The following TONSL variants were observed in gnomAD, a reference collection of about 807,000 sequenced individuals.
TONSL encodes tonsoku like, DNA repair protein.
In TONSL, 112 loss-of-function variants were observed where a neutral mutation model predicts 147.1. That is an observed-to-expected ratio of 0.76 (90% CI 0.65 to 0.89). The LOEUF (loss-of-function observed/expected upper bound fraction) is 0.89, where lower values mean the gene tolerates loss of function less well. Ranked by LOEUF, TONSL falls within the 40% of genes least tolerant of loss-of-function variation. The probability of loss-of-function intolerance (pLI) is 0.00; values close to 1 mark genes in which losing one functional copy is unlikely to be tolerated. For synonymous variants in TONSL, 868 were observed against 801.5 expected (o/e 1.08, Z -1.40); for missense variants, 1,883 against 1,864.6 (o/e 1.01, Z -0.18).
In TONSL at chr8:144,430,475, C is replaced by A. The variant is rs1564725446; in HGVS notation, c.3872G>T (p.Cys1291Phe). 1 of 1,613,484 alleles carries A rather than the reference C, an allele frequency of 6.2e-7. No individual in the cohort carries two copies. Among genetic ancestry groups the A allele is most frequent in the Non-Finnish European group, 8.5e-7 (1 of 1,179,716 alleles). The change falls in exon 25 of 26, where the codon TGT (cysteine) becomes TTT (phenylalanine). Residue 1291 changes from cysteine (C) to phenylalanine (F), a missense_variant. Transcript: ENST00000409379. ...LDLSANPEIS[C>F]ASLEELLSTL... ...GGACAGGAGCTCTTCCAAGCTGGCA[C>A]AGCTGATCTCAGGGTTGGCAGACAG... is the stretch of plus-strand genomic sequence containing the variant.
intron 2 of TONSL, 45 bp downstream of exon 2, chr8:144,444,135 C>G: frequency 7.5e-7 from 1 of 1,331,282 alleles, no homozygotes; most frequent in Non-Finnish European, 9.6e-7. Flanking sequence ...CCGGCCCGGG[C>G]CCGGGCCCCG....
chr8:144,433,078 CGTT>C (rs1282487157), intron 22 of TONSL: 2 of 157,072 alleles, frequency 1.3e-5, no homozygotes, highest in Non-Finnish European at 2.8e-5. Flanking sequence ...GGCCCCTAGA[CGTT>C]GTTTGTTTCG....
Position 144,429,241 on chromosome 8 carries a change from C to T in TONSL, c.4039G>A (p.Glu1347Lys). ...AGCTGGCGCAGGGCGTCCCTGTCCTCAGCGCAGAGGCGTCTGCTGCACAGC... is the reference window on the plus strand; with the variant it reads ...AGCTGGCGCAGGGCGTCCCTGTCCTTAGCGCAGAGGCGTCTGCTGCACAGC... ...LQLCSRRLCAEDRDALRQLQP... is the reference protein window; with the variant it reads ...LQLCSRRLCAKDRDALRQLQP... Residue 1347 changes from glutamate (E) to lysine (K), a missense_variant, in exon 26 of 26, where the codon GAG becomes AAG. Physicochemically the swap from Glu to Lys is moderately conservative, Grantham distance 56. Transcript: ENST00000409379. 1 of 1,535,090 alleles carries T rather than the reference C, an allele frequency of 6.5e-7. No individual in the cohort carries two copies. The highest frequency in any genetic ancestry group is 8.7e-7 in the Non-Finnish European group (1 of 1,143,728).
At chr8:144,432,632 A>T (rs1251355762) in intron 22 of TONSL, 172 bp from the exon 23 acceptor site, 9 of 640,818 alleles carry the variant, frequency 1.4e-5, no homozygotes, top group Non-Finnish European at 2.2e-5. Flanking sequence ...CCCAGCTGGG[A>T]GGGCGGGGCC....
chr8:144,431,561 G>A (rs528913979), intron 23 of TONSL, among the ~76,000 whole-genome samples: 44 of 151,818 alleles, frequency 2.9e-4, no homozygotes, highest in African/African-American at 8.7e-4. Flanking sequence ...GTCGCCCAGG[G>A]TGGAGTGCGG....
At position 144,435,822 on chromosome 8, in the gene TONSL, T is replaced by C. The variant is rs749330860; in HGVS notation, c.2611A>G (p.Arg871Gly). 5 of 1,612,424 alleles carry C rather than the reference T, an allele frequency of 3.1e-6. No individual in the cohort carries two copies. The highest frequency in any genetic ancestry group is 1.6e-4 in the Middle Eastern group (1 of 6,084). The change falls in exon 17 of 26, where the codon AGG (arginine) becomes GGG (glycine). Residue 871 changes from arginine (R) to glycine (G), a missense_variant. Arg to Gly is a moderately radical substitution (Grantham distance 125). Coordinates refer to ENST00000409379, the MANE Select transcript of TONSL (RefSeq NM_013432.5). ...STSGSDSEES[R>G]PRARAKQVRL... ...ACCTGCTTGGCTCGGGCACGGGGCCTGCTCTCCTCACTGTCCGACCCAGAG... is the reference window on the plus strand; with the variant it reads ...ACCTGCTTGGCTCGGGCACGGGGCCCGCTCTCCTCACTGTCCGACCCAGAG...
At chr8:144,432,545 C>A in intron 22 of TONSL, 85 bp from the exon 23 acceptor site, 1 of 1,371,440 alleles carries the variant, frequency 7.3e-7, no homozygotes, top group Non-Finnish European at 9.6e-7. Context: ...CCTCAGGACC[C>A]CTTTGGGGAA....
intron 25 of TONSL, among the ~76,000 whole-genome samples, chr8:144,429,898 G>A (rs888228444): frequency 6.6e-6 from 1 of 152,170 alleles, no homozygotes; most frequent in East Asian, 1.9e-4. Context: ...CCCGGCCCCA[G>A]TGGGGCAAGC....
In TONSL at chr8:144,432,319, T is replaced by G. The variant is rs1483170008; in HGVS notation, c.3701A>C (p.Asp1234Ala). 5 of 1,613,520 alleles carry G rather than the reference T, an allele frequency of 3.1e-6. No homozygotes were observed. Among genetic ancestry groups the G allele is most frequent in the Non-Finnish European group, 4.2e-6 (5 of 1,179,902 alleles). Reference sequence around the variant, plus strand: ...GTATCGGAATACAGGCTCCATGAGGTCCGAATCACCCTTGCCGGCTGCCAC... The same window carrying G: ...GTATCGGAATACAGGCTCCATGAGGGCCGAATCACCCTTGCCGGCTGCCAC... ...SSVAAGKGDS[D>A]LMEPVFRYLA... Residue 1234 changes from aspartate to alanine, a missense_variant, in exon 23 of 26, where the codon GAC (aspartate) becomes GCC (alanine). Physicochemically the swap from Asp to Ala is moderately radical, Grantham distance 126. Transcript: ENST00000409379.
chr8:144,430,261 C>T, intron 25 of TONSL, 143 bp downstream of exon 25: 2 of 1,015,382 alleles, frequency 2.0e-6, no homozygotes, highest in South Asian at 3.7e-5. Context: ...GTCACTCTGC[C>T]CCCTGCTGCC....
Position 144,442,038 on chromosome 8 carries a change from A to G in TONSL, c.864T>C (p.His288=), listed in dbSNP as rs769278249. Residue 288 remains histidine, a splice_region_variant and synonymous_variant, in exon 7 of 26, where the codon CAT becomes CAC. Transcript: ENST00000409379. ...CCCCATTCGCACCCCCAGGCTCACC[A>G]TGCTGGAGGTTCTGACAGATGGCTG... ...QRAAICQNLQ[H]VLAVVRLQQQ... The G allele has an allele frequency of 1.2e-6, 2 of 1,612,466 alleles. No homozygotes were observed. Among genetic ancestry groups the G allele is most frequent in the Non-Finnish European group, 1.7e-6 (2 of 1,179,804 alleles).
At chr8:144,438,324 A>G in intron 13 of TONSL, 147 bp downstream of exon 13, 2 of 739,096 alleles carry the variant, frequency 2.7e-6, no homozygotes, top group Admixed American at 2.3e-5. Flanking sequence ...TCCTGCCTCT[A>G]GGACCACAGG....
rs372340880 is a variant in TONSL, at chr8:144,440,986, C to T, written c.991G>A (p.Ala331Thr). 48 of 1,613,072 alleles carry T rather than the reference C, an allele frequency of 3.0e-5. No homozygotes were observed. Among genetic ancestry groups the T allele is most frequent in the African/African-American group, 6.7e-5 (5 of 74,932 alleles). The change falls in exon 8 of 26, where the codon GCT becomes ACT. Residue 331 changes from alanine (A) to threonine (T), a missense_variant. By Grantham distance (58) the Ala-to-Thr change is moderately conservative (BLOSUM62 0). Transcript: ENST00000409379. ...CACACCTGCTTCTGGTAAGCCTCAG[C>T]TGCCCTGGGAAAGTCTCCTGCCTTG... ...FSKAGDFPRA[A>T]EAYQKQLRFA...
Position 144,434,034 on chromosome 8 carries a change from C to T in TONSL, c.3331G>A (p.Gly1111Ser). The T allele has an allele frequency of 6.2e-7, 1 of 1,609,358 alleles. No homozygotes were observed. Among genetic ancestry groups the T allele is most frequent in the Non-Finnish European group, 8.5e-7 (1 of 1,177,590 alleles). Residue 1111 changes from glycine (G) to serine (S), a missense_variant, in exon 21 of 26, where the codon GGT becomes AGT. Coordinates refer to ENST00000409379, the MANE Select transcript of TONSL (RefSeq NM_013432.5). ...GCAAGCTGGCGCAGGCCTTCGGGACCCAGGTGATTGGAGGAGAGGTCAAGG... is the reference window on the plus strand; with the variant it reads ...GCAAGCTGGCGCAGGCCTTCGGGACTCAGGTGATTGGAGGAGAGGTCAAGG... Reference protein sequence around the residue: ...ALLDLSSNHLGPEGLRQLAMG... With the variant: ...ALLDLSSNHLSPEGLRQLAMG...
chr8:144,428,836 C>A lies in TONSL; in HGVS notation c.*307G>T, dbSNP rs1215656468. 4 of 254,528 alleles carry A rather than the reference C, an allele frequency of 1.6e-5. No homozygotes were observed. Among genetic ancestry groups the A allele is most frequent in the Non-Finnish European group, 3.0e-5 (4 of 133,824 alleles). 15.8% of individuals were successfully genotyped at this position (254,528 alleles called of 1,614,324 possible). A position where few individuals can be genotyped will look rare whatever the true frequency, so the allele number is the denominator to read the frequency against. On this transcript the variant is annotated 3_prime_UTR_variant, in exon 26 of 26. Transcript: ENST00000409379. ...ACGGAGTCTCGGTCTGTCGCCCAGG[C>A]TGGAGTGCAGTGGTGCGATCTCGGC...
In TONSL at chr8:144,440,079, C is replaced by T. The variant is rs750830925; in HGVS notation, c.1422G>A (p.Ala474=). 40 of 1,596,674 alleles carry T rather than the reference C, an allele frequency of 2.5e-5. No homozygotes were observed. The highest frequency in any genetic ancestry group is 5.4e-5 in the African/African-American group (4 of 74,416). Residue 474 remains alanine (A), a synonymous_variant, in exon 11 of 26, where the codon GCG becomes GCA. Coordinates refer to ENST00000409379, the MANE Select transcript of TONSL (RefSeq NM_013432.5). ...GGGCTTCGCTCTCCGCTGTGGCTGC[C>T]GCCTCCTCCGCCTCCTCCTCCTCAT... ...DEDEEEEAEE[A]AATAESEALE...
In TONSL at chr8:144,436,204, G is replaced by T; in HGVS notation, c.2229C>A (p.Ser743Arg). Residue 743 changes from serine to arginine, a missense_variant, in exon 17 of 26, where the codon AGC (serine) becomes AGA (arginine). Ser to Arg is a moderately radical substitution (Grantham distance 110, BLOSUM62 -1). Transcript: ENST00000409379. ...GGCCTGCGCTGTCCTCGCCTTCTGA[G>T]CTGCTGCTGCTGCTGGCTGGCCCAT... ...SRHGPASSSS[S>R]SEGEDSAGPA... The T allele has an allele frequency of 6.5e-7, 1 of 1,532,616 alleles. No individual in the cohort carries two copies. 94.9% of individuals were successfully genotyped at this position (1,532,616 alleles called of 1,614,324 possible).
chr8:144,434,949 G>T, intron 19 of TONSL, 60 bp from the exon 20 acceptor site: 1 of 1,611,382 alleles, frequency 6.2e-7, no homozygotes, highest in Non-Finnish European at 8.5e-7. Context: ...TCATTGCTCT[G>T]CAGCCATGAG....
rs998488287 is a variant in TONSL at position 144,441,880 on chromosome 8, C to A, written c.865+157G>T. 5.0e-6 allele frequency: 3 copies of A among 605,524 alleles called. No homozygotes were observed. In the African/African-American group the frequency reaches 5.6e-5, roughly 11 times the overall value. 37.5% of individuals were successfully genotyped at this position (605,524 alleles called of 1,614,324 possible). A position where few individuals can be genotyped will look rare whatever the true frequency, so the allele number is the denominator to read the frequency against. ...CTTCTCCTGTCAGGAAGTAGGGGTA[C>A]CTGCCCCTCTTGCTGAAGCTGCTGC... On this transcript the variant is annotated intron_variant, in intron 7 of 25. Transcript: ENST00000409379.
Sources: allele counts gnomAD v4.1 joint callset (sites outside exome capture counted in the v4.1 genomes callset), GRCh38; gene constraint gnomAD v4.1.1; transcripts MANE v1.5; gene names NCBI Gene and HGNC (gene_info 2026-07-23, HGNC 2026-07-21).